Variants in MAGI2 observed in about 807,000 individuals in gnomAD.
MAGI2 encodes membrane-associated guanylate kinase, WW and PDZ domain-containing protein 2.
A neutral mutation model predicts 133.3 loss-of-function variants in MAGI2; 35 were observed. The observed-to-expected ratio is 0.26, with a 90% CI of 0.20 to 0.35. MAGI2 has a LOEUF of 0.35. MAGI2 is among the 10% of genes least tolerant of loss of function. The pLI is 1.00. For missense variants in MAGI2, 1,636 were observed against 1,863.4 expected (o/e 0.88, Z 2.25); for synonymous variants, 729 against 710.6 (o/e 1.03, Z -0.41).
chr7:78,358,711 C>A, intron 7 of MAGI2: 1 of 224,560 alleles, frequency 4.5e-6, no homozygotes, highest in South Asian at 5.7e-5. Flanking sequence ...GCTGGAAATA[C>A]CAGGTAGTGA....
chr7:78,122,780 G>A (rs1303164041), intron 20 of MAGI2, among the ~76,000 whole-genome samples: 1 of 152,022 alleles, frequency 6.6e-6, no homozygotes, highest in East Asian at 1.9e-4. Flanking sequence ...CCCTCCAAAT[G>A]TCTCCTGATT....
chr7:78,861,204 T>C (rs1391042057), intron 2 of MAGI2, among the ~76,000 whole-genome samples: 1 of 152,212 alleles, frequency 6.6e-6, no homozygotes, highest in African/African-American at 2.4e-5. Context: ...GGTGAGGCGA[T>C]GCCCCGCCCT....
intron 9 of MAGI2, among the ~76,000 whole-genome samples, chr7:78,300,728 T>C (rs1797750943): frequency 6.6e-6 from 1 of 152,202 alleles, no homozygotes; most frequent in Non-Finnish European, 1.5e-5. Context: ...GGCAGAAATA[T>C]TTTACATGGA....
intron 16 of MAGI2, among the ~76,000 whole-genome samples, chr7:78,147,629 G>A (rs369915175): frequency 1.3e-5 from 2 of 152,038 alleles, no homozygotes; most frequent in East Asian, 1.9e-4. Context: ...TTATACTGGA[G>A]GGGGAAGAGA....
At chr7:78,885,617 T>C (rs1239221152) in intron 2 of MAGI2, among the ~76,000 whole-genome samples, 1 of 121,640 alleles carries the variant, frequency 8.2e-6, no homozygotes. Context: ...GCATCCTTTA[T>C]TGAAAGGAAT....
chr7:78,070,516 GTATA>G (rs1370504840), intron 21 of MAGI2, among the ~76,000 whole-genome samples: 2 of 140,398 alleles, frequency 1.4e-5, no homozygotes, highest in Non-Finnish European at 3.1e-5. Context: ...ATATATGTGT[GTATA>G]TATGTATATA....
intron 2 of MAGI2, among the ~76,000 whole-genome samples, chr7:78,854,324 A>G (rs748496576): frequency 3.3e-5 from 5 of 152,152 alleles, no homozygotes; most frequent in Non-Finnish European, 7.4e-5. Flanking sequence ...TTAACAATGT[A>G]TCTTATGAGA....
chr7:78,514,522 A>C (rs1795880287), intron 4 of MAGI2, among the ~76,000 whole-genome samples: 1 of 152,160 alleles, frequency 6.6e-6, no homozygotes, highest in South Asian at 2.1e-4. Context: ...AAAACCCAGT[A>C]CTCTGGGAAC....
In MAGI2 at chr7:78,256,526, A is replaced by T; in HGVS notation, c.1464T>A (p.Asp488Glu). 1 of 1,613,950 alleles carries T rather than the reference A, an allele frequency of 6.2e-7. No individual in the cohort carries two copies. Residue 488 changes from aspartate to glutamate, a missense_variant, in exon 10 of 22, where the codon GAT becomes GAA. Physicochemically the swap from Asp to Glu is conservative, Grantham distance 45. This residue lies in a region of MAGI2 where 920 missense variants were observed against 1,093.5 expected (regional missense o/e 0.84). Coordinates refer to ENST00000354212, the MANE Select transcript of MAGI2 (RefSeq NM_012301.4). ...EVCVLGHTHA[D>E]VVKLFQSVPI... ...GAACAGACTGGAAAAGTTTGACAAC[A>T]TCTGCATGAGTGTGTCCAAGGACAC...
chr7:78,636,755 G>A (rs1218613104), intron 2 of MAGI2, among the ~76,000 whole-genome samples: 1 of 152,072 alleles, frequency 6.6e-6, no homozygotes, highest in Non-Finnish European at 1.5e-5. Context: ...TCGAGATCGT[G>A]CCACTGCATT....
chr7:79,336,371 G>A (rs539412709), intron 1 of MAGI2, among the ~76,000 whole-genome samples: 59 of 151,988 alleles, frequency 3.9e-4, no homozygotes, highest in Admixed American at 1.1e-3. Flanking sequence ...ACTATAAACT[G>A]TTTATGATAG....
intron 1 of MAGI2, among the ~76,000 whole-genome samples, chr7:79,340,260 C>T (rs1840790509): frequency 6.6e-6 from 1 of 151,852 alleles, no homozygotes; most frequent in Admixed American, 6.6e-5. Flanking sequence ...TCATTTATAT[C>T]TTCTATCTCC....
chr7:78,517,570 A>G (rs1796145518), intron 4 of MAGI2, among the ~76,000 whole-genome samples: 1 of 152,218 alleles, frequency 6.6e-6, no homozygotes, highest in Non-Finnish European at 1.5e-5. Context: ...TATATGTATT[A>G]TATGCCTGGT....
chr7:79,260,251 G>C (rs1479597454), intron 1 of MAGI2, among the ~76,000 whole-genome samples: 2 of 152,060 alleles, frequency 1.3e-5, no homozygotes, highest in East Asian at 3.9e-4. Context: ...AGCTACTTGG[G>C]AAGCTAACAT....
chr7:78,192,475 A>C (rs890212085), intron 12 of MAGI2, among the ~76,000 whole-genome samples: 1 of 151,898 alleles, frequency 6.6e-6, no homozygotes, highest in Non-Finnish European at 1.5e-5. Flanking sequence ...CATTTACATG[A>C]GAAAATAAAA....
intron 1 of MAGI2, among the ~76,000 whole-genome samples, chr7:79,027,847 G>T (rs1810055109): frequency 6.6e-6 from 1 of 151,980 alleles, no homozygotes; most frequent in Non-Finnish European, 1.5e-5. Flanking sequence ...GACTACCCAA[G>T]AATAATTTTC....
At chr7:79,239,315 A>T (rs1832193485) in intron 1 of MAGI2, among the ~76,000 whole-genome samples, 1 of 152,252 alleles carries the variant, frequency 6.6e-6, no homozygotes, top group South Asian at 2.1e-4. Context: ...TTATCTTTCA[A>T]ATTTTGTTTC....
intron 6 of MAGI2, among the ~76,000 whole-genome samples, chr7:78,458,294 C>CAAAAAAAAAAAAAAAAAAAAAA (rs11380893): frequency 3.5e-5 from 4 of 113,094 alleles, no homozygotes; most frequent in South Asian, 2.9e-4. Context: ...AACTCGGTCT[C>CAAAAAAAAAAAAAAAAAAAAAA]AAAAAAAAAA....
chr7:79,123,461 A>G (rs1234525632), intron 1 of MAGI2, among the ~76,000 whole-genome samples: 2 of 152,084 alleles, frequency 1.3e-5, no homozygotes, highest in African/African-American at 4.8e-5. Flanking sequence ...GGATGATAAT[A>G]CCTACCCTAT....
Sources: allele counts gnomAD v4.1 joint callset (sites outside exome capture counted in the v4.1 genomes callset), GRCh38; gene constraint gnomAD v4.1.1; regional missense constraint gnomAD v4.1.1; transcripts MANE v1.5; gene names NCBI Gene and HGNC (gene_info 2026-07-23, HGNC 2026-07-21).